The following ADGRG7 variants were observed in gnomAD, a reference collection of about 807,000 sequenced individuals.
The protein encoded by ADGRG7 is adhesion G protein-coupled receptor G7.
Under a neutral mutation model 88.6 loss-of-function variants are expected in ADGRG7, and 82 were observed. That is an observed-to-expected ratio of 0.93 (90% confidence interval 0.77 to 1.11). ADGRG7 has a LOEUF of 1.11. ADGRG7 is among the 50% of genes most tolerant of loss of function. The pLI is 0.00. For synonymous variants in ADGRG7, 381 were observed against 345.2 expected (o/e 1.10, Z -1.15); for missense variants, 945 against 953.4 (o/e 0.99, Z 0.12).
chr3:100,688,573 T>C (rs1406882863), intron 15 of ADGRG7, among the ~76,000 whole-genome samples: 1 of 152,246 alleles, frequency 6.6e-6, no homozygotes, highest in Non-Finnish European at 1.5e-5. Context: ...TCTGGTGTGT[T>C]GTGTCTTTGT....
In ADGRG7 at chr3:100,634,676, A is replaced by T. The variant is rs575989945; in HGVS notation, c.448-1001A>T. 6.6e-5 allele frequency among the ~76,000 whole-genome samples: 10 copies of T among 152,286 alleles called. No individual in the cohort carries two copies. The South Asian group carries it at 1.9e-3, about 28-fold the overall frequency. Reference sequence around the variant, plus strand: ...CCACACAAGTTGTGCCAACCCACAGATTGAGGAAAGATGCTAAATTTGGAA... The same window carrying T: ...CCACACAAGTTGTGCCAACCCACAGTTTGAGGAAAGATGCTAAATTTGGAA... On this transcript the variant is annotated intron_variant, in intron 4 of 15. Coordinates refer to ENST00000273352, the MANE Select transcript of ADGRG7 (RefSeq NM_032787.3).
chr3:100,614,763 G>A (rs544960843), intron 1 of ADGRG7, among the ~76,000 whole-genome samples: 93 of 152,048 alleles, frequency 6.1e-4, no homozygotes, highest in Admixed American at 1.1e-3. Context: ...ATTTTGTCTA[G>A]GAGAAGAAAT....
intron 15 of ADGRG7, among the ~76,000 whole-genome samples, chr3:100,678,743 T>C (rs1033328048): frequency 3.3e-5 from 5 of 152,186 alleles, no homozygotes; most frequent in Admixed American, 1.3e-4. Flanking sequence ...TCTGGGAGAA[T>C]TGCATGGATT....
At chr3:100,675,042 G>A (rs986203833) in intron 15 of ADGRG7, among the ~76,000 whole-genome samples, 2 of 151,888 alleles carry the variant, frequency 1.3e-5, no homozygotes, top group Admixed American at 6.6e-5. Context: ...ATCTGCAAAC[G>A]AGGATAATTT....
At chr3:100,667,291 C>T (rs2094953065) in intron 14 of ADGRG7, among the ~76,000 whole-genome samples, 2 of 152,106 alleles carry the variant, frequency 1.3e-5, no homozygotes, top group South Asian at 4.1e-4. Flanking sequence ...TAATCCGTCA[C>T]CTACATTAGG....
At chr3:100,655,771 T>C in intron 12 of ADGRG7, 128 bp from the exon 13 acceptor site, 1 of 608,830 alleles carries the variant, frequency 1.6e-6, no homozygotes. Flanking sequence ...AGGATCACTT[T>C]GTATATTGTC....
intron 8 of ADGRG7, 61 bp from the exon 9 acceptor site, chr3:100,645,882 CAT>C (rs1707735619): frequency 7.2e-7 from 1 of 1,395,956 alleles, no homozygotes; most frequent in African/African-American, 1.4e-5. Flanking sequence ...AATAACGTGA[CAT>C]ATTGTTTTTT....
At chr3:100,645,282 C>A (rs571176187) in intron 8 of ADGRG7, among the ~76,000 whole-genome samples, 34 of 152,230 alleles carry the variant, frequency 2.2e-4, no homozygotes, top group Non-Finnish European at 4.7e-4. Flanking sequence ...CTTTCAGGAT[C>A]TTTGATGAAC....
intron 1 of ADGRG7, among the ~76,000 whole-genome samples, chr3:100,616,474 A>G (rs2149011345): frequency 6.6e-6 from 1 of 152,106 alleles, no homozygotes; most frequent in South Asian, 2.1e-4. Context: ...AATAGAAAAT[A>G]TAGTAATGAT....
chr3:100,635,607 T>A, intron 4 of ADGRG7, 70 bp from the exon 5 acceptor site: 1 of 1,557,382 alleles, frequency 6.4e-7, no homozygotes, highest in Non-Finnish European at 8.7e-7. Flanking sequence ...CTTATTTACC[T>A]GCAGTTGCTT....
intron 14 of ADGRG7, among the ~76,000 whole-genome samples, chr3:100,662,921 A>C (rs1224956305): frequency 6.6e-6 from 1 of 152,172 alleles, no homozygotes; most frequent in Non-Finnish European, 1.5e-5. Flanking sequence ...TGCAAAATTT[A>C]GTAAGATGAA....
chr3:100,653,765 C>T (rs1483487972), intron 11 of ADGRG7, among the ~76,000 whole-genome samples: 1 of 152,050 alleles, frequency 6.6e-6, no homozygotes, highest in Non-Finnish European at 1.5e-5. Context: ...TCTCCCTCTC[C>T]ATACAGTCTC....
chr3:100,640,533 T>G (rs1576320589), intron 6 of ADGRG7, among the ~76,000 whole-genome samples: 1 of 151,990 alleles, frequency 6.6e-6, no homozygotes, highest in African/African-American at 2.4e-5. Context: ...TTTTTTTTCC[T>G]TTTTTTGAGA....
At chr3:100,680,069 AG>A (rs1233703337) in intron 15 of ADGRG7, among the ~76,000 whole-genome samples, 1 of 152,230 alleles carries the variant, frequency 6.6e-6, no homozygotes, top group African/African-American at 2.4e-5. Context: ...TTGTCAAAAA[AG>A]GGGTATTAAA....
intron 15 of ADGRG7, among the ~76,000 whole-genome samples, chr3:100,671,156 C>T (rs1395936606): frequency 5.3e-5 from 8 of 152,204 alleles, no homozygotes; most frequent in Admixed American, 1.3e-4. Flanking sequence ...AACTAACTTA[C>T]ACTCCCACCA....
chr3:100,647,629 G>A (rs189582243), intron 10 of ADGRG7, among the ~76,000 whole-genome samples: 10 of 152,264 alleles, frequency 6.6e-5, no homozygotes, highest in African/African-American at 2.4e-4. Context: ...CGTCTCTCAA[G>A]GTTCTTGTGC....
intron 8 of ADGRG7, among the ~76,000 whole-genome samples, chr3:100,645,123 G>A (rs534027508): frequency 9.8e-5 from 15 of 152,324 alleles, no homozygotes; most frequent in African/African-American, 3.6e-4. Flanking sequence ...CAGAGTTTAG[G>A]AAATTAATTC....
At chr3:100,680,656 C>T (rs535737396) in intron 15 of ADGRG7, among the ~76,000 whole-genome samples, 2 of 152,172 alleles carry the variant, frequency 1.3e-5, no homozygotes, top group Non-Finnish European at 2.9e-5. Context: ...CATTAAATTT[C>T]ATTAACTTTT....
In ADGRG7 at chr3:100,655,129, C is replaced by T; in HGVS notation, c.1674C>T (p.Thr558=). The T allele has an allele frequency of 6.2e-7, 1 of 1,613,618 alleles. No homozygotes were observed. Among genetic ancestry groups the T allele is most frequent in the Non-Finnish European group, 8.5e-7 (1 of 1,179,614 alleles). ...AGCTCTATTACCTTCTAATAAGGAC[C>T]ATGAAGCCTCTTCCTCGGCATTTCA... ...AAQLYYLLIR[T]MKPLPRHFIL... is the part of the protein sequence containing the mutation. The change falls in exon 12 of 16, where the codon ACC becomes ACT. Residue 558 remains threonine, a synonymous_variant. Transcript: ENST00000273352.
Sources: gnomAD v4.1 joint callset for allele counts (sites outside exome capture counted in the v4.1 genomes callset) on GRCh38, gnomAD v4.1.1 for gene constraint, MANE v1.5 for transcripts, NCBI Gene and HGNC (gene_info 2026-07-23, HGNC 2026-07-21) for gene names.